Variants in CARNMT1 observed in about 807,000 individuals in gnomAD.
The protein encoded by CARNMT1 is carnosine N-methyltransferase 1.
CARNMT1 carries 28 observed loss-of-function variants against 49.6 expected under a neutral mutation model. That is an observed-to-expected ratio of 0.56 (90% CI 0.42 to 0.77). The LOEUF is 0.77. CARNMT1 is among the 30% of genes least tolerant of loss of function. The probability of loss-of-function intolerance (pLI) is 0.00; values close to 1 mark genes in which losing one functional copy is unlikely to be tolerated. For missense variants in CARNMT1, 421 were observed against 512.6 expected (o/e 0.82, Z 1.73); for synonymous variants, 178 against 175.0 (o/e 1.02, Z -0.13).
chr9:75,025,658 T>C (rs989060159), intron 1 of CARNMT1, among the ~76,000 whole-genome samples: 6 of 152,364 alleles, frequency 3.9e-5, no homozygotes, highest in African/African-American at 1.4e-4. Flanking sequence ...TTTCAAATTG[T>C]TGCAAATGTC....
chr9:75,028,388 C>T, upstream of CARNMT1: 1 of 1,296,986 alleles, frequency 7.7e-7, no homozygotes, highest in Non-Finnish European at 9.7e-7. Flanking sequence ...CTCAGGCCTC[C>T]ATCCGCGCTG....
At chr9:75,006,654 G>C (rs1833519462) in intron 3 of CARNMT1, among the ~76,000 whole-genome samples, 1 of 152,126 alleles carries the variant, frequency 6.6e-6, no homozygotes, top group African/African-American at 2.4e-5. Context: ...CTGAGGAACA[G>C]TTATGAGGAA....
rs1171627597 is a variant in CARNMT1, at chr9:74,982,284, T to C, written c.*1483A>G. On this transcript the variant is annotated 3_prime_UTR_variant, in exon 8 of 8. Transcript: ENST00000376834. ...GCACATTACTGAGATTAAATCCATC[T>C]AATTTAAATTGCCACAGAGGTCATT... is the stretch of plus-strand genomic sequence containing the variant. 1 of 152,238 alleles carries C rather than the reference T, an allele frequency of 6.6e-6. No homozygotes were observed. The highest frequency in any genetic ancestry group is 1.5e-5 in the Non-Finnish European group (1 of 68,032). The allele number at this position is 152,238 out of a possible 1,614,324, so 9.4% of individuals were successfully genotyped here. A position where few individuals can be genotyped will look rare whatever the true frequency, so the allele number is the denominator to read the frequency against.
chr9:75,022,677 C>A (rs1822406926), intron 1 of CARNMT1, among the ~76,000 whole-genome samples: 1 of 152,188 alleles, frequency 6.6e-6, no homozygotes, highest in Admixed American at 6.5e-5. Context: ...AACAGCCTCA[C>A]AGAGCTTTCT....
chr9:74,982,987 G>A lies in CARNMT1; in HGVS notation c.*780C>T, dbSNP rs888382378. The A allele has an allele frequency of 2.6e-5, 4 of 152,030 alleles. No homozygotes were observed. Among genetic ancestry groups the A allele is most frequent in the South Asian group, 2.1e-4 (1 of 4,822 alleles). The allele number at this position is 152,030 out of a possible 1,614,324, so 9.4% of individuals were successfully genotyped here. A position where few individuals can be genotyped will look rare whatever the true frequency, so the allele number is the denominator to read the frequency against. On this transcript the variant is annotated 3_prime_UTR_variant, in exon 8 of 8. Transcript: ENST00000376834. ...TGAATATATTTTACCGGCCTGTGAT[G>A]CTATTAAATTTAACATTTCATAAAA...
At chr9:75,021,876 G>C (rs1450476889) in intron 1 of CARNMT1, among the ~76,000 whole-genome samples, 1 of 151,976 alleles carries the variant, frequency 6.6e-6, no homozygotes, top group Non-Finnish European at 1.5e-5. Context: ...AAGTCAAGGG[G>C]GCAGCGAGCT....
At chr9:75,017,043 T>A in intron 2 of CARNMT1, 1 of 504,346 alleles carries the variant, frequency 2.0e-6, no homozygotes, top group Non-Finnish European at 3.5e-6. Flanking sequence ...ATCTCAACAG[T>A]TATATTAGTA....
At chr9:75,027,011 G>C (rs1460259184) in intron 1 of CARNMT1, 1 of 1,110,440 alleles carries the variant, frequency 9.0e-7, no homozygotes, top group African/African-American at 1.6e-5. Flanking sequence ...AAAAAACTTT[G>C]CATAAAGCAC....
At chr9:74,985,077 T>C in intron 6 of CARNMT1, 67 bp from the exon 7 acceptor site, 1 of 1,201,892 alleles carries the variant, frequency 8.3e-7, no homozygotes, top group South Asian at 1.2e-5. Flanking sequence ...TTACACTGAA[T>C]TCCAAGTTGA....
At chr9:75,023,171 G>A (rs565020678) in intron 1 of CARNMT1, among the ~76,000 whole-genome samples, 8 of 150,650 alleles carry the variant, frequency 5.3e-5, no homozygotes, top group African/African-American at 1.5e-4. Flanking sequence ...AAATTAAGGA[G>A]TCATCCTAAA....
In CARNMT1 at chr9:75,020,988, T is replaced by C. The variant is rs74823110; in HGVS notation, c.231-3540A>G. Among the ~76,000 whole-genome samples, 19 of 152,246 alleles carry C rather than the reference T, an allele frequency of 1.2e-4. No individual in the cohort carries two copies. The East Asian group carries it at 3.1e-3, about 25-fold the overall frequency. On this transcript the variant is annotated intron_variant, in intron 1 of 7. Coordinates refer to ENST00000376834, the MANE Select transcript of CARNMT1 (RefSeq NM_152420.3). ...ACAGAAGCAAGATAAGAATGAACAA[T>C]GATGATGATCATGGAAGCTGCCATT...
chr9:75,002,152 G>A (rs1833376870), intron 3 of CARNMT1, among the ~76,000 whole-genome samples: 1 of 152,176 alleles, frequency 6.6e-6, no homozygotes. Context: ...TAAGGACAGA[G>A]TCCATGTGTC....
chr9:75,008,695 A>G (rs1284711158), intron 3 of CARNMT1, among the ~76,000 whole-genome samples: 1 of 152,224 alleles, frequency 6.6e-6, no homozygotes, highest in Admixed American at 6.5e-5. Flanking sequence ...AAATAGATGG[A>G]AAGACATACT....
At chr9:74,988,553 CTGAG>C (rs1216677937) in intron 6 of CARNMT1, among the ~76,000 whole-genome samples, 3 of 152,146 alleles carry the variant, frequency 2.0e-5, no homozygotes, top group Non-Finnish European at 4.4e-5. Context: ...TAAGTTCTTG[CTGAG>C]TATGTCTGTC....
rs1260230133 is a variant in CARNMT1 at position 75,028,093 on chromosome 9, GC to G, written c.148del (p.Ala50ProfsTer35). 6.4e-7 allele frequency: 1 copy of G among 1,553,002 alleles called. No homozygotes were observed. Among genetic ancestry groups the G allele is most frequent in the Non-Finnish European group, 8.7e-7 (1 of 1,151,426 alleles). ...CTCCTCCTCCTCGGTGCTGCGCGTGGCCGCCGCCGCTGCCGCCGAAACCGCC... is the reference window on the plus strand; with the variant it reads ...CTCCTCCTCCTCGGTGCTGCGCGTGGCGCCGCCGCTGCCGCCGAAACCGCC... ...AAAVSAAAAA[A>X]TRSTEEEEER... On this transcript the variant is annotated frameshift_variant, in exon 1 of 8. Coordinates refer to ENST00000376834, the MANE Select transcript of CARNMT1 (RefSeq NM_152420.3). LOFTEE classifies it high-confidence loss of function.
At chr9:75,025,716 G>A (rs1323462332) in intron 1 of CARNMT1, among the ~76,000 whole-genome samples, 2 of 152,042 alleles carry the variant, frequency 1.3e-5, no homozygotes, top group Non-Finnish European at 2.9e-5. Context: ...TGTATAAGTG[G>A]ACCCGTGCAG....
intron 6 of CARNMT1, among the ~76,000 whole-genome samples, chr9:74,988,069 T>C (rs1178969055): frequency 6.6e-6 from 1 of 152,130 alleles, no homozygotes; most frequent in East Asian, 1.9e-4. Context: ...TTTTTTTCTT[T>C]TTTAATTTTT....
In CARNMT1 at chr9:74,983,848, C is replaced by T. The variant is rs1832748632; in HGVS notation, c.1149G>A (p.Leu383=). ...FKVEVEKESV[L]STYTVNDLSM... ...AGAGATCATTCACAGTATATGTTGA[C>T]AATACAGATTCTTTTTCCACCTGCA... Residue 383 remains leucine, a synonymous_variant, in exon 8 of 8, where the codon TTG becomes TTA. Transcript: ENST00000376834. The T allele has an allele frequency of 6.9e-6, 11 of 1,597,890 alleles. No homozygotes were observed. The highest frequency in any genetic ancestry group is 8.5e-6 in the Non-Finnish European group (10 of 1,171,864).
chr9:75,017,464 TG>T lies in CARNMT1; in HGVS notation c.231-17del, dbSNP rs1383462312. 2 of 1,603,290 alleles carry T rather than the reference TG, an allele frequency of 1.2e-6. No homozygotes were observed. The highest frequency in any genetic ancestry group is 1.7e-6 in the Non-Finnish European group (2 of 1,174,264). ...CATACTGGTGCTAAAACATAAAAGG[TG>T]TTTTTTAAATTCACAAAAGAATTCT... On this transcript the variant is annotated splice_polypyrimidine_tract_variant and intron_variant, in intron 1 of 7. Coordinates refer to ENST00000376834, the MANE Select transcript of CARNMT1 (RefSeq NM_152420.3).
Sources: gnomAD v4.1 joint callset for allele counts (sites outside exome capture counted in the v4.1 genomes callset) on GRCh38, gnomAD v4.1.1 for gene constraint, MANE v1.5 for transcripts, NCBI Gene and HGNC (gene_info 2026-07-23, HGNC 2026-07-21) for gene names.